The following BIRC6 variants were observed in gnomAD, a reference collection of about 807,000 sequenced individuals.
BIRC6 encodes the protein baculoviral IAP repeat containing 6, also known as dual E2 ubiquitin-conjugating enzyme/E3 ubiquitin-protein ligase BIRC6.
Under a neutral mutation model 503.3 loss-of-function variants are expected in BIRC6, and 98 were observed. That is an observed-to-expected ratio of 0.19 (90% confidence interval 0.17 to 0.23). BIRC6 has a LOEUF of 0.23. Ranked by LOEUF, BIRC6 falls within the 10% of genes least tolerant of loss-of-function variation. BIRC6 has a pLI of 1.00. For missense variants in BIRC6, 5,360 were observed against 5,806.0 expected (o/e 0.92, Z 2.50); for synonymous variants, 2,240 against 2,078.7 (o/e 1.08, Z -2.11).
intron 3 of BIRC6, among the ~76,000 whole-genome samples, chr2:32,386,444 CTT>C (rs1459083369): frequency 4.1e-5 from 6 of 146,024 alleles, no homozygotes; most frequent in Non-Finnish European, 6.1e-5. Flanking sequence ...GTCTCTCTCT[CTT>C]TTTTTTTTTT....
chr2:32,470,287 A>G lies in BIRC6; in HGVS notation c.6467A>G (p.His2156Arg), dbSNP rs2048974852. 4.5e-6 allele frequency: 7 copies of G among 1,572,322 alleles called. No homozygotes were observed. The highest frequency in any genetic ancestry group is 3.5e-5 in the South Asian group (3 of 85,140). ...CCTCTTCAGCCACAGTTACCCATGC[A>G]TAGGAGGACAGAAGGTATTAAGAGA... Reference protein sequence around the residue: ...LSPLQPQLPMHRRTEGVLDIP... With the variant: ...LSPLQPQLPMRRRTEGVLDIP... Residue 2156 changes from histidine to arginine, a missense_variant, in exon 31 of 74, where the codon CAT (histidine) becomes CGT (arginine). His to Arg is a conservative substitution (Grantham distance 29, BLOSUM62 0). This residue lies in a region of BIRC6 where 2,299 missense variants were observed against 2,267.2 expected (regional missense o/e 1.01). Transcript: ENST00000421745.
intron 50 of BIRC6, among the ~76,000 whole-genome samples, chr2:32,505,858 G>C (rs574075607): frequency 6.6e-6 from 1 of 151,716 alleles, no homozygotes; most frequent in Non-Finnish European, 1.5e-5. Context: ...ATACTCATTT[G>C]CTTTTTTTTT....
chr2:32,395,757 C>T (rs1208694770), intron 6 of BIRC6, among the ~76,000 whole-genome samples, 164 bp downstream of exon 6: 2 of 152,228 alleles, frequency 1.3e-5, no homozygotes, highest in Non-Finnish European at 2.9e-5. Context: ...TGGCACACCA[C>T]TTGGCATACA....
At chr2:32,453,383 G>A (rs910685707) in intron 22 of BIRC6, among the ~76,000 whole-genome samples, 10 of 152,100 alleles carry the variant, frequency 6.6e-5, no homozygotes, top group Non-Finnish European at 7.4e-5. Flanking sequence ...TTATATTTAT[G>A]CAGTTGACAT....
chr2:32,616,255 G>A (rs1160695666), intron 73 of BIRC6, among the ~76,000 whole-genome samples: 1 of 151,920 alleles, frequency 6.6e-6, no homozygotes, highest in Admixed American at 6.6e-5. Context: ...GATAGGCTGG[G>A]TGCAGTTCTA....
At chr2:32,517,159 C>T (rs545368962) in intron 55 of BIRC6, among the ~76,000 whole-genome samples, 9 of 152,068 alleles carry the variant, frequency 5.9e-5, no homozygotes, top group African/African-American at 1.7e-4. Flanking sequence ...GGCAAAACCT[C>T]CTGTCTACCA....
intron 19 of BIRC6, among the ~76,000 whole-genome samples, chr2:32,442,886 C>G (rs930351928): frequency 1.6e-4 from 24 of 152,228 alleles, no homozygotes; most frequent in African/African-American, 5.5e-4. Flanking sequence ...GCCCTGATCC[C>G]CAGGGCATGT....
intron 65 of BIRC6, among the ~76,000 whole-genome samples, chr2:32,558,141 T>C (rs183913052): frequency 6.6e-6 from 1 of 152,304 alleles, no homozygotes; most frequent in East Asian, 1.9e-4. Context: ...AGTAAATGAG[T>C]GTATTTTAAT....
chr2:32,401,981 A>G (rs959937262), intron 8 of BIRC6, among the ~76,000 whole-genome samples: 3 of 152,218 alleles, frequency 2.0e-5, no homozygotes, highest in African/African-American at 7.2e-5. Context: ...TTCGAACTAG[A>G]TGATTTCAGT....
chr2:32,617,009 T>C (rs1308046565), intron 73 of BIRC6, among the ~76,000 whole-genome samples: 1 of 152,176 alleles, frequency 6.6e-6, no homozygotes, highest in Non-Finnish European at 1.5e-5. Context: ...GGTGGGAGGA[T>C]TGCTTAAGCC....
At position 32,357,079 on chromosome 2, in the gene BIRC6, G is replaced by A. The variant is rs1458606589; in HGVS notation, c.-83G>A. 2 of 1,246,890 alleles carry A rather than the reference G, an allele frequency of 1.6e-6. No homozygotes were observed. The highest frequency in any genetic ancestry group is 1.6e-5 in the African/African-American group (1 of 62,628). The allele number at this position is 1,246,890 out of a possible 1,614,324, so 77.2% of individuals were successfully genotyped here. On this transcript the variant is annotated 5_prime_UTR_variant, in exon 1 of 74. Coordinates refer to ENST00000421745, the MANE Select transcript of BIRC6 (RefSeq NM_016252.4). The surrounding 1 kb of genome is among the most constrained non-coding windows in gnomAD (Gnocchi z 4.9). ...GCCTCCCTCCGAGTTTGGCCCCTCC[G>A]GCCGGGCGATCGACGTTCCGCGTGC...
At chr2:32,534,631 T>C (rs1346706219) in intron 61 of BIRC6, among the ~76,000 whole-genome samples, 5 of 144,394 alleles carry the variant, frequency 3.5e-5, no homozygotes, top group Non-Finnish European at 7.4e-5. Flanking sequence ...CTCGGGAGGC[T>C]GAGGAAGGAG....
intron 1 of BIRC6, among the ~76,000 whole-genome samples, chr2:32,364,095 A>G (rs2034522724): frequency 6.6e-6 from 1 of 152,226 alleles, no homozygotes; most frequent in African/African-American, 2.4e-5. Flanking sequence ...TTTATGTAGT[A>G]TATATACATA....
rs2038817987 is a variant in BIRC6, at chr2:32,388,606, C to T, written c.646-144C>T. On this transcript the variant is annotated intron_variant, in intron 3 of 73. Transcript: ENST00000421745. ...AATATTTTATTTTTTTTTATAACTGCAAGTTTCTGTTTTAAATGATAAACT... is the reference window on the plus strand; with the variant it reads ...AATATTTTATTTTTTTTTATAACTGTAAGTTTCTGTTTTAAATGATAAACT... 6 of 601,246 alleles carry T rather than the reference C, an allele frequency of 1.0e-5. No homozygotes were observed. In the Admixed American group the frequency reaches 1.9e-4, roughly 19 times the overall value. 37.2% of individuals were successfully genotyped at this position (601,246 alleles called of 1,614,324 possible). A position where few individuals can be genotyped will look rare whatever the true frequency, so the allele number is the denominator to read the frequency against.
intron 61 of BIRC6, among the ~76,000 whole-genome samples, chr2:32,535,657 A>G (rs372007427): frequency 1.3e-5 from 2 of 152,356 alleles, no homozygotes; most frequent in South Asian, 2.1e-4. Context: ...ATGGCTGCAT[A>G]GTATTCCATG....
chr2:32,408,470 GC>G (rs2041493273), intron 9 of BIRC6, among the ~76,000 whole-genome samples: 1 of 152,068 alleles, frequency 6.6e-6, no homozygotes, highest in Non-Finnish European at 1.5e-5. Flanking sequence ...TAAACTGTGG[GC>G]TTCAGTTTTT....
Position 32,388,918 on chromosome 2 carries a change from G to A in BIRC6, c.814G>A (p.Val272Met). The A allele has an allele frequency of 1.2e-6, 2 of 1,603,420 alleles. No individual in the cohort carries two copies. Among genetic ancestry groups the A allele is most frequent in the South Asian group, 1.1e-5 (1 of 89,290 alleles). ...LLPSARPELG[V>M]GPGRSVDRSL... Reference sequence around the variant, plus strand: ...ACCTAGTGCACGTCCAGAACTCGGAGTGGGGCCAGGCCGTTCTGTAGACAG... The same window carrying A: ...ACCTAGTGCACGTCCAGAACTCGGAATGGGGCCAGGCCGTTCTGTAGACAG... The change falls in exon 4 of 74, where the codon GTG becomes ATG. Residue 272 changes from valine (V) to methionine (M), a missense_variant. Physicochemically the swap from Val to Met is conservative, Grantham distance 21 (BLOSUM62 1). Around this residue, in one of 16 missense-constraint regions of BIRC6, gnomAD observed 134 missense variants for 150.9 expected, o/e 0.89. Coordinates refer to ENST00000421745, the MANE Select transcript of BIRC6 (RefSeq NM_016252.4).
intron 33 of BIRC6, among the ~76,000 whole-genome samples, chr2:32,473,567 A>G (rs1220304392): frequency 6.6e-6 from 1 of 151,716 alleles, no homozygotes; most frequent in African/African-American, 2.4e-5. Context: ...CCTTCATGTA[A>G]TTCTCTGTGG....
chr2:32,401,271 T>C lies in BIRC6; in HGVS notation c.1143T>C (p.Cys381=). The change falls in exon 7 of 74, where the codon TGT becomes TGC. Residue 381 remains cysteine (C), a synonymous_variant. Transcript: ENST00000421745. ...TLATSPAQFP[C]TDGTDRISCF... is the part of the protein sequence containing the mutation. Reference sequence around the variant, plus strand: ...CAACAAGTCCTGCACAGTTTCCTTGTACGGATGGAACTGACAGAATATCTT... The same window carrying C: ...CAACAAGTCCTGCACAGTTTCCTTGCACGGATGGAACTGACAGAATATCTT... 5.0e-6 allele frequency: 8 copies of C among 1,614,062 alleles called. No homozygotes were observed. Among genetic ancestry groups the C allele is most frequent in the Non-Finnish European group, 6.8e-6 (8 of 1,179,904 alleles).
Sources: allele counts gnomAD v4.1 joint callset (sites outside exome capture counted in the v4.1 genomes callset), GRCh38; gene constraint gnomAD v4.1.1; regional missense constraint gnomAD v4.1.1; non-coding constraint Gnocchi (gnomAD v3.1); transcripts MANE v1.5; gene names NCBI Gene and HGNC (gene_info 2026-07-23, HGNC 2026-07-21).